Variants in PIR observed in about 807,000 individuals in gnomAD.
The protein encoded by PIR is pirin, also known as pirin (iron-binding nuclear protein).
PIR carries 22 observed loss-of-function variants against 24.2 expected under a neutral mutation model. That is an observed-to-expected ratio of 0.91 (90% CI 0.65 to 1.30). The LOEUF (loss-of-function observed/expected upper bound fraction) is 1.30. PIR is among the 50% of genes most tolerant of loss of function. PIR has a pLI of 0.00. For missense variants in PIR, 220 were observed against 220.3 expected, an observed-to-expected ratio of 1.00 and a Z score of 0.01; for synonymous variants, 80 against 79.6, an observed-to-expected ratio of 1.00 and a Z score of -0.03.
intron 3 of PIR, among the ~76,000 whole-genome samples, chrX:15,464,022 G>A (rs752415717): frequency 4.4e-5 from 5 of 112,385 alleles, no homozygotes; most frequent in South Asian, 3.7e-4. Flanking sequence ...AATAAGTAAC[G>A]CAACTAAATT....
chrX:15,410,337 TA>T (rs982230642), intron 6 of PIR, among the ~76,000 whole-genome samples: 11 of 112,203 alleles, frequency 9.8e-5, no homozygotes, highest in African/African-American at 3.6e-4. Context: ...TGTCAAAACA[TA>T]GAGAAGTAAC....
chrX:15,436,517 A>G (rs1925754946), intron 5 of PIR, among the ~76,000 whole-genome samples: 1 of 112,020 alleles, frequency 8.9e-6, no homozygotes, highest in African/African-American at 3.2e-5. Flanking sequence ...CATGTCTTAT[A>G]TAAATAATCC....
In PIR at chrX:15,425,947, T is replaced by C; in HGVS notation, c.524A>G (p.Lys175Arg). The change falls in exon 6 of 10, where the codon AAA (lysine) becomes AGA (arginine). Residue 175 changes from lysine (K) to arginine (R), a missense_variant. Transcript: ENST00000380420. Reference sequence around the variant, plus strand: ...GGAATGTTTGGCTCCTGGGTCCAATTTGAAGTCCAAATATAAGGTTGGTGT... The same window carrying C: ...GGAATGTTTGGCTCCTGGGTCCAATCTGAAGTCCAAATATAAGGTTGGTGT... ...TRTPTLYLDF[K>R]LDPGAKHSQP... The C allele has an allele frequency of 8.3e-7, 1 of 1,199,258 alleles. No individual in the cohort carries two copies. Among genetic ancestry groups the C allele is most frequent in the East Asian group, 3.0e-5 (1 of 33,807 alleles).
Position 15,466,006 on chromosome X carries a change from G to GTTTTTTT in PIR, c.190-6273_190-6267dup, listed in dbSNP as rs200803758. Among the ~76,000 whole-genome samples the GTTTTTTT allele has an allele frequency of 1.9e-3, 122 of 63,090 alleles. 8 individuals carry two copies. Among genetic ancestry groups the GTTTTTTT allele is most frequent in the African/African-American group, 6.7e-3 (97 of 14,418 alleles). 54.8% of individuals were successfully genotyped at this position (63,090 alleles called of 115,157 possible). On this transcript the variant is annotated intron_variant, in intron 3 of 9. Coordinates refer to ENST00000380420, the MANE Select transcript of PIR (RefSeq NM_001018109.3). ...TTCCATTTGCTTTAAAATGGTGGCT[G>GTTTTTTT]TTTTTTTTTTTTTTTTTTTTTTGTC...
chrX:15,432,317 G>A (rs1031057957), intron 5 of PIR, among the ~76,000 whole-genome samples: 11 of 112,127 alleles, frequency 9.8e-5, no homozygotes. Context: ...TTACTTTCTA[G>A]TGAAGAAGAT....
At chrX:15,396,502 T>C (rs1602242167) in intron 8 of PIR, among the ~76,000 whole-genome samples, 1 of 111,443 alleles carries the variant, frequency 9.0e-6, no homozygotes, top group Non-Finnish European at 1.9e-5. Flanking sequence ...TTTGCACAAT[T>C]TTCTCCTCAA....
intron 5 of PIR, among the ~76,000 whole-genome samples, chrX:15,427,826 A>G (rs1281562527): frequency 9.3e-6 from 1 of 108,093 alleles, no homozygotes; most frequent in Non-Finnish European, 1.9e-5. Flanking sequence ...TACACACACA[A>G]GTGTGTGTGT....
chrX:15,443,185 C>G (rs1925977250), intron 5 of PIR, among the ~76,000 whole-genome samples: 1 of 112,005 alleles, frequency 8.9e-6, no homozygotes, highest in Non-Finnish European at 1.9e-5. Context: ...TATGCTAAAT[C>G]TACACTACTT....
chrX:15,467,013 G>C (rs1207022248), intron 3 of PIR, among the ~76,000 whole-genome samples: 1 of 112,494 alleles, frequency 8.9e-6, no homozygotes, highest in Non-Finnish European at 1.9e-5. Flanking sequence ...GCCCCATGAA[G>C]GCAGGGACTT....
intron 5 of PIR, among the ~76,000 whole-genome samples, chrX:15,446,292 C>T (rs1030541762): frequency 2.7e-5 from 3 of 111,417 alleles, no homozygotes; most frequent in Non-Finnish European, 5.7e-5. Context: ...CTTCTTAAAG[C>T]ATTGGTTTAT....
chrX:15,428,127 G>A (rs949522238), intron 5 of PIR, among the ~76,000 whole-genome samples: 1 of 111,244 alleles, frequency 9.0e-6, no homozygotes, highest in Non-Finnish European at 1.9e-5. Context: ...TCAAAGACTA[G>A]AAAAGCAAAT....
At chrX:15,390,076 G>A in intron 9 of PIR, 109 bp downstream of exon 9, 1 of 362,148 alleles carries the variant, frequency 2.8e-6, no homozygotes, top group Non-Finnish European at 4.8e-6. Context: ...TATAGATGGA[G>A]AGACAGGACA....
intron 3 of PIR, chrX:15,464,508 G>A (rs1288808870): frequency 5.1e-6 from 3 of 586,305 alleles, no homozygotes; most frequent in Non-Finnish European, 6.2e-6. Context: ...TAGAAAGGCA[G>A]TGAGACACAA....
At chrX:15,477,861 G>A (rs1489372389) in intron 3 of PIR, among the ~76,000 whole-genome samples, 1 of 111,618 alleles carries the variant, frequency 9.0e-6, no homozygotes, top group African/African-American at 3.3e-5. Flanking sequence ...TGATTTGGGG[G>A]TTACAAATGA....
chrX:15,401,814 C>T (rs1440379081), intron 7 of PIR, among the ~76,000 whole-genome samples: 1 of 106,684 alleles, frequency 9.4e-6, no homozygotes, highest in Admixed American at 1.0e-4. Flanking sequence ...AACTTTTCTG[C>T]AAATGCCAAT....
intron 5 of PIR, 148 bp downstream of exon 5, chrX:15,455,700 T>G (rs927709857): frequency 2.1e-6 from 1 of 487,701 alleles, no homozygotes. Flanking sequence ...TGAGTTTTCT[T>G]AGGTTGCACT....
chrX:15,470,908 C>T (rs184304052), intron 3 of PIR, among the ~76,000 whole-genome samples: 12 of 110,191 alleles, frequency 1.1e-4, no homozygotes, highest in East Asian at 8.5e-4. Context: ...CAGCGCACCC[C>T]GGCCCCCCAC....
At chrX:15,436,945 T>C (rs1385607293) in intron 5 of PIR, among the ~76,000 whole-genome samples, 1 of 112,051 alleles carries the variant, frequency 8.9e-6, no homozygotes, top group East Asian at 2.8e-4. Flanking sequence ...GGTGTCTGCT[T>C]GTACAGGCAT....
intron 6 of PIR, among the ~76,000 whole-genome samples, chrX:15,417,484 T>G (rs1924964118): frequency 9.0e-6 from 1 of 110,891 alleles, no homozygotes; most frequent in African/African-American, 3.4e-5. Context: ...GCTCCTTTCC[T>G]TTTTTTTCCC....
Sources: allele counts gnomAD v4.1 joint callset (sites outside exome capture counted in the v4.1 genomes callset), GRCh38; gene constraint gnomAD v4.1.1; transcripts MANE v1.5; gene names NCBI Gene and HGNC (gene_info 2026-07-23, HGNC 2026-07-21).